The following TTN variants were observed in gnomAD, a reference collection of about 807,000 sequenced individuals.
TTN encodes the protein titin, also known as connectin.
A neutral mutation model predicts 3,223.0 loss-of-function variants in TTN; 1,525 were observed. That is an observed-to-expected ratio of 0.47 (90% CI 0.45 to 0.49). The LOEUF (loss-of-function observed/expected upper bound fraction) is 0.49. TTN is among the 20% of genes least tolerant of loss of function. The pLI, the probability that TTN is intolerant of heterozygous loss-of-function variation, is 0.00. For synonymous variants in TTN, 14,094 were observed against 15,161.0 expected, an observed-to-expected ratio of 0.93 and a Z score of 5.17; for missense variants, 40,786 against 43,424.0, an observed-to-expected ratio of 0.94 and a Z score of 5.40.
At chr2:178,797,687 C>T (rs889412827) in intron 6 of TTN, among the ~76,000 whole-genome samples, 1 of 151,996 alleles carries the variant, frequency 6.6e-6, no homozygotes, top group East Asian at 1.9e-4. Context: ...TATTGTGATA[C>T]TTTTATGGCA....
At chr2:178,641,421 G>A (rs1398869083) in intron 219 of TTN, 106 bp from the exon 220 acceptor site, 1 of 687,410 alleles carries the variant, frequency 1.5e-6, no homozygotes. Context: ...ATGAAAAAAA[G>A]CATGCTACCT....
At chr2:178,541,684 A>C in intron 349 of TTN, 100 bp from the exon 350 acceptor site, 1 of 986,508 alleles carries the variant, frequency 1.0e-6, no homozygotes. Context: ...GGTATTTTAA[A>C]AGGTACATAA....
rs780069933 is a variant in TTN, at chr2:178,725,926, C to T, written c.20396G>A (p.Arg6799Gln). Residue 6799 changes from arginine to glutamine, a missense_variant, in exon 70 of 363, where the codon CGG becomes CAG. Coordinates refer to ENST00000589042, the MANE Select transcript of TTN (RefSeq NM_001267550.2). ...GTATTTCTTGCTGCTTCTGAGTTGCCGCTTGTCTTTGTACCATACCACCTC... is the reference window on the plus strand; with the variant it reads ...GTATTTCTTGCTGCTTCTGAGTTGCTGCTTGTCTTTGTACCATACCACCTC... ...PFEVVWYKDK[R>Q]QLRSSKKYKI... is the part of the protein sequence containing the mutation. The T allele has an allele frequency of 2.5e-5, 40 of 1,612,940 alleles. No homozygotes were observed. The highest frequency in any genetic ancestry group is 1.7e-4 in the Middle Eastern group (1 of 6,052).
At chr2:178,676,885 C>T (rs62178972) in intron 147 of TTN, among the ~76,000 whole-genome samples, 23,056 of 151,310 alleles carry the variant, frequency 0.15, 2,278 homozygotes, top group East Asian at 0.45. Context: ...GTTTTCAATA[C>T]ATTTAAATAT....
Position 178,685,581 on chromosome 2 carries a change from C to T in TTN, c.32329G>A (p.Glu10777Lys). ...TEYEVMEEPE[E>K]YVVEEKLHII... ...TGCAGCTTTTCTTCCACAACATATT[C>T]CTCAGGCTCTTCCATCACTTTAAAG... Residue 10777 changes from glutamate to lysine, a missense_variant, in exon 128 of 363, where the codon GAA becomes AAA. Physicochemically the swap from Glu to Lys is moderately conservative, Grantham distance 56. Transcript: ENST00000589042. 6.2e-7 allele frequency: 1 copy of T among 1,613,612 alleles called. No individual in the cohort carries two copies. The highest frequency in any genetic ancestry group is 8.5e-7 in the Non-Finnish European group (1 of 1,179,720).
rs566764105 is a variant in TTN, at chr2:178,565,923, A to T, written c.80209T>A (p.Cys26737Ser). 28 of 1,613,614 alleles carry T rather than the reference A, an allele frequency of 1.7e-5. No homozygotes were observed. The East Asian group carries it at 6.2e-4, about 36-fold the overall frequency. The change falls in exon 326 of 363, where the codon TGC (cysteine) becomes AGC (serine). Residue 26737 changes from cysteine (C) to serine (S), a missense_variant. By Grantham distance (112) the Cys-to-Ser change is moderately radical. Coordinates refer to ENST00000589042, the MANE Select transcript of TTN (RefSeq NM_001267550.2). ...TCCACTTTAAAACTTGTTTTGCTGCATTTACTACTCACATTAGCATACGCT... is the reference window on the plus strand; with the variant it reads ...TCCACTTTAAAACTTGTTTTGCTGCTTTTACTACTCACATTAGCATACGCT... ...RKAYANVSSK[C>S]SKTSFKVENL...
chr2:178,776,378 G>A lies in TTN; in HGVS notation c.5486C>T (p.Thr1829Ile), dbSNP rs1333464117. The A allele has an allele frequency of 3.7e-6, 6 of 1,613,102 alleles. No homozygotes were observed. Among genetic ancestry groups the A allele is most frequent in the Non-Finnish European group, 3.4e-6 (4 of 1,179,968 alleles). Reference protein sequence around the residue: ...LERMAHEGALTGVTTDQKEKQ... With the variant: ...LERMAHEGALIGVTTDQKEKQ... ...TTCTTTCTGATCTGTTGTTACACCT[G>A]TAAGTGCACCTTCATGAGCCATTCT... The change falls in exon 28 of 363, where the codon ACA (threonine) becomes ATA (isoleucine). Residue 1829 changes from threonine (T) to isoleucine (I), a missense_variant. Coordinates refer to ENST00000589042, the MANE Select transcript of TTN (RefSeq NM_001267550.2).
At chr2:178,541,642 T>C in intron 349 of TTN, 58 bp from the exon 350 acceptor site, 4 of 1,435,582 alleles carry the variant, frequency 2.8e-6, no homozygotes, top group Non-Finnish European at 3.7e-6. Context: ...AAACAATGAC[T>C]CATATATTTG....
intron 361 of TTN, 95 bp from the exon 362 acceptor site, chr2:178,527,843 C>A: frequency 8.5e-7 from 1 of 1,181,156 alleles, no homozygotes; most frequent in Non-Finnish European, 1.2e-6. Flanking sequence ...CTTCAACACA[C>A]ACACAGCAGC....
chr2:178,685,437 G>T, intron 128 of TTN, 81 bp downstream of exon 128: 1 of 1,471,768 alleles, frequency 6.8e-7, no homozygotes, highest in Non-Finnish European at 9.3e-7. Context: ...TTTGCAATAT[G>T]GATGACAAAT....
chr2:178,608,437 A>G lies in TTN; in HGVS notation c.52446T>C (p.Val17482=). Reference sequence around the variant, plus strand: ...ATTTCACTAGCATACTGTTGCTGGTAACATCTTCCACAATGGGCTTATCTG... The same window carrying G: ...ATTTCACTAGCATACTGTTGCTGGTGACATCTTCCACAATGGGCTTATCTG... ...DAPDKPIVED[V]TSNSMLVKWN... The change falls in exon 275 of 363, where the codon GTT becomes GTC. Residue 17482 remains valine, a synonymous_variant. Transcript: ENST00000589042. The G allele has an allele frequency of 6.2e-7, 1 of 1,607,662 alleles. No homozygotes were observed. Among genetic ancestry groups the G allele is most frequent in the Non-Finnish European group, 8.5e-7 (1 of 1,176,630 alleles).
chr2:178,773,317 A>G lies in TTN; in HGVS notation c.7647T>C (p.Asn2549=). The G allele has an allele frequency of 6.2e-7, 1 of 1,613,970 alleles. No individual in the cohort carries two copies. Among genetic ancestry groups the G allele is most frequent in the Non-Finnish European group, 8.5e-7 (1 of 1,179,958 alleles). ...LRDLTCTETQ[N]VVFEVELSHS... is the part of the protein sequence containing the mutation. The stretch of plus-strand genomic sequence containing the variant: ...GGGACAGCTCAACCTCAAACACCAC[A>G]TTTTGAGTTTCTGTACAGGTAAGGT... Residue 2549 remains asparagine (N), a synonymous_variant, in exon 33 of 363, where the codon AAT becomes AAC. Coordinates refer to ENST00000589042, the MANE Select transcript of TTN (RefSeq NM_001267550.2).
Position 178,794,502 on chromosome 2 carries a change from G to A in TTN, c.1295C>T (p.Ala432Val). 6.2e-7 allele frequency: 1 copy of A among 1,614,178 alleles called. No homozygotes were observed. Among genetic ancestry groups the A allele is most frequent in the Non-Finnish European group, 8.5e-7 (1 of 1,180,014 alleles). Residue 432 changes from alanine to valine, a missense_variant, in exon 8 of 363, where the codon GCC becomes GTC. Ala to Val is a moderately conservative substitution (Grantham distance 64). Coordinates refer to ENST00000589042, the MANE Select transcript of TTN (RefSeq NM_001267550.2). ...KSAAVATVVA[A>V]VDMARVREPV... Reference sequence around the variant, plus strand: ...TTCTCTCACTCTGGCCATATCAACGGCAGCAACAACAGTCGCAACAGCTGC... The same window carrying A: ...TTCTCTCACTCTGGCCATATCAACGACAGCAACAACAGTCGCAACAGCTGC...
chr2:178,576,250 G>A lies in TTN; in HGVS notation c.69882C>T (p.Thr23294=), dbSNP rs376056197. 2.2e-5 allele frequency: 35 copies of A among 1,611,958 alleles called. No homozygotes were observed. The highest frequency in any genetic ancestry group is 2.5e-5 in the Non-Finnish European group (30 of 1,179,062). ...CAACGAACTGAGTGATTCTGAGGGC[G>A]GTTCCTGTGGTATCTTTTATCCAGG... ...DEAWIKDTTG[T]ALRITQFVVP... Residue 23294 remains threonine (T), a synonymous_variant, in exon 326 of 363, where the codon ACC becomes ACT. Transcript: ENST00000589042. This position sits in a 1 kb window ranked among gnomAD's most constrained non-coding sequence, Gnocchi z 4.3.
In TTN at chr2:178,671,089, C is replaced by A. The variant is rs1423135750; in HGVS notation, c.35308+1G>T. ...GTAGTAATTTTTCACAAAGAAGATACCTTTAGCTGGTGGCTCTTTTCGAGG... is the reference window on the plus strand; with the variant it reads ...GTAGTAATTTTTCACAAAGAAGATAACTTTAGCTGGTGGCTCTTTTCGAGG... On this transcript the variant is annotated splice_donor_variant, in intron 156 of 362. Transcript: ENST00000589042. LOFTEE classifies it high-confidence loss of function. 3.7e-6 allele frequency: 6 copies of A among 1,601,172 alleles called. No homozygotes were observed. Among genetic ancestry groups the A allele is most frequent in the Non-Finnish European group, 5.1e-6 (6 of 1,174,794 alleles).
intron 282 of TTN, among the ~76,000 whole-genome samples, chr2:178,603,502 A>C (rs2053996498): frequency 6.6e-6 from 1 of 151,974 alleles, no homozygotes; most frequent in African/African-American, 2.4e-5. Flanking sequence ...TTGAATTCCT[A>C]CTGGAAGGTC....
At chr2:178,806,549 T>G (rs1211884215) in intron 1 of TTN, among the ~76,000 whole-genome samples, 1 of 152,240 alleles carries the variant, frequency 6.6e-6, no homozygotes, top group Non-Finnish European at 1.5e-5. Context: ...ATCATTTTAT[T>G]CCAAATCTCC....
chr2:178,604,408 A>G, intron 281 of TTN, 103 bp from the exon 282 acceptor site: 1 of 974,888 alleles, frequency 1.0e-6, no homozygotes, highest in Non-Finnish European at 1.4e-6. Flanking sequence ...CTGTAAGAAG[A>G]AATAAATATA....
intron 159 of TTN, among the ~76,000 whole-genome samples, chr2:178,668,144 T>C (rs2066307852): frequency 6.6e-6 from 1 of 152,170 alleles, no homozygotes; most frequent in Non-Finnish European, 1.5e-5. Context: ...TCATTATCTA[T>C]ATTTTCAAAT....
Sources: allele counts gnomAD v4.1 joint callset (sites outside exome capture counted in the v4.1 genomes callset), GRCh38; gene constraint gnomAD v4.1.1; non-coding constraint Gnocchi (gnomAD v3.1); transcripts MANE v1.5; gene names NCBI Gene and HGNC (gene_info 2026-07-23, HGNC 2026-07-21).